CSNK1G2: variants seen among roughly 807,000 people sequenced by gnomAD.
The protein encoded by CSNK1G2 is casein kinase I isoform gamma-2.
Under a neutral mutation model 48.0 loss-of-function variants are expected in CSNK1G2, and 11 were observed. That is an observed-to-expected ratio of 0.23 (90% CI 0.14 to 0.38). The LOEUF (loss-of-function observed/expected upper bound fraction) is 0.38, where lower values mean the gene tolerates loss of function less well. CSNK1G2 is among the 10% of genes least tolerant of loss of function. CSNK1G2 has a pLI of 1.00. For synonymous variants in CSNK1G2, 337 were observed against 254.1 expected, an observed-to-expected ratio of 1.33 and a Z score of -3.10; for missense variants, 446 against 595.5, an observed-to-expected ratio of 0.75 and a Z score of 2.61.
intron 1 of CSNK1G2, among the ~76,000 whole-genome samples, chr19:1,963,361 G>A (rs969996424): frequency 6.6e-6 from 1 of 151,882 alleles, no homozygotes; most frequent in Non-Finnish European, 1.5e-5. Flanking sequence ...ACAGGTGCCC[G>A]CCACCATGCC....
chr19:1,953,055 G>C, intron 1 of CSNK1G2: 1 of 399,254 alleles, frequency 2.5e-6, no homozygotes, highest in Non-Finnish European at 4.8e-6. Context: ...AGCCCACCCA[G>C]GTTTTCCACG....
At chr19:1,961,667 T>TG (rs1041208402) in intron 1 of CSNK1G2, among the ~76,000 whole-genome samples, 4 of 150,720 alleles carry the variant, frequency 2.7e-5, no homozygotes, top group African/African-American at 9.8e-5. Context: ...CGGTGGGGGG[T>TG]GGGGGACTAC....
chr19:1,947,882 A>G (rs956756842), intron 1 of CSNK1G2, among the ~76,000 whole-genome samples: 1 of 151,776 alleles, frequency 6.6e-6, no homozygotes, highest in Non-Finnish European at 1.5e-5. Flanking sequence ...GTTGTCGGGG[A>G]CCTCCGCTGC....
chr19:1,971,320 G>A (rs1161419906), intron 2 of CSNK1G2, among the ~76,000 whole-genome samples: 1 of 152,220 alleles, frequency 6.6e-6, no homozygotes. Flanking sequence ...GAGGCTGCTG[G>A]GATTCCACCT....
At chr19:1,942,087 C>A (rs1167507174) in intron 1 of CSNK1G2, among the ~76,000 whole-genome samples, 1 of 152,156 alleles carries the variant, frequency 6.6e-6, no homozygotes. Context: ...GTGGTCTGAT[C>A]CGCAGGGACC....
chr19:1,954,248 G>A, intron 1 of CSNK1G2: 1 of 313,694 alleles, frequency 3.2e-6, no homozygotes, highest in Non-Finnish European at 6.5e-6. Context: ...GGCTGGGCCT[G>A]GCCCCGCTCT....
At chr19:1,960,269 C>T (rs1306810421) in intron 1 of CSNK1G2, among the ~76,000 whole-genome samples, 2 of 152,236 alleles carry the variant, frequency 1.3e-5, no homozygotes, top group African/African-American at 4.8e-5. Flanking sequence ...CCTGCCCCTT[C>T]CCCCTCCCTA....
intron 1 of CSNK1G2, among the ~76,000 whole-genome samples, chr19:1,951,056 G>T (rs905997978): frequency 6.9e-6 from 1 of 145,274 alleles, no homozygotes; most frequent in Non-Finnish European, 1.5e-5. Flanking sequence ...GAGGTGAGAG[G>T]AGACGCCGTG....
At chr19:1,944,777 C>T (rs2014494281) in intron 1 of CSNK1G2, among the ~76,000 whole-genome samples, 1 of 152,156 alleles carries the variant, frequency 6.6e-6, no homozygotes, top group Admixed American at 6.5e-5. Context: ...GTATTCAATG[C>T]ACTGCGGGCA....
intron 2 of CSNK1G2, among the ~76,000 whole-genome samples, chr19:1,976,813 C>T (rs2015772643): frequency 6.6e-6 from 1 of 151,770 alleles, no homozygotes; most frequent in Non-Finnish European, 1.5e-5. Context: ...CATCTCAGCT[C>T]ACCACAACCT....
chr19:1,975,685 G>T (rs77518239), intron 2 of CSNK1G2: 1 of 982,482 alleles, frequency 1.0e-6, no homozygotes, highest in African/African-American at 1.7e-5. Context: ...GCTGATTCAG[G>T]GGGCAGTGTC....
chr19:1,948,011 G>A (rs900863823), intron 1 of CSNK1G2, among the ~76,000 whole-genome samples: 4 of 152,256 alleles, frequency 2.6e-5, no homozygotes, highest in African/African-American at 7.2e-5. Flanking sequence ...GCACAGCCCC[G>A]GTTCCTCTGA....
At chr19:1,946,481 CG>C (rs1449517061) in intron 1 of CSNK1G2, among the ~76,000 whole-genome samples, 3 of 150,174 alleles carry the variant, frequency 2.0e-5, no homozygotes, top group Non-Finnish European at 4.4e-5. Context: ...TTAGTAGAGA[CG>C]GGGTTTCACC....
At chr19:1,970,464 G>A (rs1384983687) in intron 2 of CSNK1G2, among the ~76,000 whole-genome samples, 7 of 152,340 alleles carry the variant, frequency 4.6e-5, no homozygotes, top group East Asian at 1.9e-4. Context: ...ACCTGGCTCC[G>A]TCCCTTCTGC....
intron 2 of CSNK1G2, chr19:1,975,841 G>A: frequency 3.4e-6 from 3 of 893,000 alleles, no homozygotes; most frequent in Non-Finnish European, 4.0e-6. Flanking sequence ...TTCGAGACCA[G>A]CCTGGACAAC....
chr19:1,962,138 T>G (rs1268779860), intron 1 of CSNK1G2, among the ~76,000 whole-genome samples: 1 of 152,026 alleles, frequency 6.6e-6, no homozygotes, highest in East Asian at 1.9e-4. Flanking sequence ...AAGACCATCC[T>G]GGCCAAGATG....
At chr19:1,970,110 G>A (rs977015743) in intron 2 of CSNK1G2, 151 bp downstream of exon 2, 9 of 522,782 alleles carry the variant, frequency 1.7e-5, no homozygotes, top group Non-Finnish European at 1.8e-5. Context: ...TCATCAGTCC[G>A]TCGTGGTGCG....
intron 1 of CSNK1G2, among the ~76,000 whole-genome samples, chr19:1,966,751 C>T (rs947221795): frequency 2.0e-5 from 3 of 152,316 alleles, no homozygotes; most frequent in Non-Finnish European, 4.4e-5. Context: ...CAGCCTCCAG[C>T]AGCCACCGCC....
intron 1 of CSNK1G2, among the ~76,000 whole-genome samples, chr19:1,947,034 G>A (rs534696653): frequency 9.9e-5 from 15 of 152,102 alleles, no homozygotes; most frequent in Non-Finnish European, 7.4e-5. Flanking sequence ...GATTACAGGC[G>A]TGAGCCACCG....
Sources: gnomAD v4.1 joint callset for allele counts (sites outside exome capture counted in the v4.1 genomes callset) on GRCh38, gnomAD v4.1.1 for gene constraint, MANE v1.5 for transcripts, NCBI Gene and HGNC (gene_info 2026-07-23, HGNC 2026-07-21) for gene names.